The following GALNT18 variants were observed in gnomAD, a reference collection of about 807,000 sequenced individuals.
GALNT18 encodes the protein GalNAc-transferase 18.
A neutral mutation model predicts 69.5 loss-of-function variants in GALNT18; 44 were observed. That is an observed-to-expected ratio of 0.63 (90% CI 0.50 to 0.81). The LOEUF (loss-of-function observed/expected upper bound fraction) is 0.81. Ranked by LOEUF, GALNT18 falls within the 40% of genes least tolerant of loss-of-function variation. The pLI is 0.00. For synonymous variants in GALNT18, 364 were observed against 318.2 expected, an observed-to-expected ratio of 1.14 and a Z score of -1.53; for missense variants, 715 against 810.0, an observed-to-expected ratio of 0.88 and a Z score of 1.42.
chr11:11,456,426 T>G (rs1484073437), intron 1 of GALNT18, among the ~76,000 whole-genome samples: 1 of 152,194 alleles, frequency 6.6e-6, no homozygotes, highest in African/African-American at 2.4e-5. Flanking sequence ...TCAAACTAGT[T>G]GTTAAACTAT....
At chr11:11,321,631 C>T (rs554805819) in intron 9 of GALNT18, among the ~76,000 whole-genome samples, 2 of 152,296 alleles carry the variant, frequency 1.3e-5, no homozygotes, top group Non-Finnish European at 1.5e-5. Flanking sequence ...GAGATGGAGT[C>T]TCACTCTGTC....
chr11:11,335,629 T>C (rs1850098454), intron 7 of GALNT18, among the ~76,000 whole-genome samples: 1 of 152,136 alleles, frequency 6.6e-6, no homozygotes, highest in African/African-American at 2.4e-5. Context: ...TAATTCAGGA[T>C]CTCAAAATGA....
At chr11:11,346,647 C>A (rs1850308403) in intron 6 of GALNT18, among the ~76,000 whole-genome samples, 1 of 152,216 alleles carries the variant, frequency 6.6e-6, no homozygotes, top group Non-Finnish European at 1.5e-5. Context: ...TCCAACCTCA[C>A]AAAATGCTCA....
Position 11,432,500 on chromosome 11 carries a change from A to C in GALNT18, c.595+121T>G, listed in dbSNP as rs186942517. ...AGTGGCCACCATGAATTTCTCATCT[A>C]TGCTCCAGAGAAAGAGCAGCCACAG... On this transcript the variant is annotated intron_variant, in intron 3 of 10. Coordinates refer to ENST00000227756, the MANE Select transcript of GALNT18 (RefSeq NM_198516.3). This position sits in a 1 kb window ranked among gnomAD's most constrained non-coding sequence, Gnocchi z 5.8. The C allele has an allele frequency of 8.8e-4, 872 of 995,268 alleles. 5 individuals carry two copies. The African/African-American group carries it at 0.013, about 15-fold the overall frequency. 61.7% of individuals were successfully genotyped at this position (995,268 alleles called of 1,614,324 possible).
rs1249929217 is a variant in GALNT18, at chr11:11,432,323, T to G, written c.595+298A>C. Among the ~76,000 whole-genome samples the G allele has an allele frequency of 6.6e-6, 1 of 152,214 alleles. No individual in the cohort carries two copies. The highest frequency in any genetic ancestry group is 1.5e-5 in the Non-Finnish European group (1 of 68,044). The stretch of plus-strand genomic sequence containing the variant: ...AAAGAGTCACTGGACATGTTCACTG[T>G]GTACATGGTAGGGTAGGAGGTCAGG... On this transcript the variant is annotated intron_variant, in intron 3 of 10. Coordinates refer to ENST00000227756, the MANE Select transcript of GALNT18 (RefSeq NM_198516.3). This position sits in a 1 kb window ranked among gnomAD's most constrained non-coding sequence, Gnocchi z 5.8.
rs79429005 is a variant in GALNT18, at chr11:11,435,725, C to A, written c.429-2938G>T. ...TACGGCCTACATTTTGAGTGTCTGCCGCTGATGTCAGACTGCTCCTTTTTC... is the reference window on the plus strand; with the variant it reads ...TACGGCCTACATTTTGAGTGTCTGCAGCTGATGTCAGACTGCTCCTTTTTC... On this transcript the variant is annotated intron_variant, in intron 2 of 10. Transcript: ENST00000227756. The surrounding 1 kb of genome is among the most constrained non-coding windows in gnomAD (Gnocchi z 4.4). Among the ~76,000 whole-genome samples, 3,342 of 152,192 alleles carry A rather than the reference C, an allele frequency of 0.022. 121 individuals are homozygous for A. The highest frequency in any genetic ancestry group is 0.077 in the African/African-American group (3,201 of 41,498).
chr11:11,277,489 T>C (rs1007142537), intron 10 of GALNT18, among the ~76,000 whole-genome samples: 1 of 152,226 alleles, frequency 6.6e-6, no homozygotes, highest in Non-Finnish European at 1.5e-5. Context: ...GTTTTTCATG[T>C]CTCTATCTCC....
At chr11:11,611,364 G>C (rs1377576506) in intron 1 of GALNT18, among the ~76,000 whole-genome samples, 1 of 152,216 alleles carries the variant, frequency 6.6e-6, no homozygotes, top group African/African-American at 2.4e-5. Flanking sequence ...ACAAAAAAGA[G>C]AGGAGGCAGC....
rs1188488226 is a variant in GALNT18, at chr11:11,444,611, G to GTC, written c.428+4132_428+4133insGA. ...ACTGGCACAGCATGGTCCTATCTCA[G>GTC]CCACATGACAAGCTGGGTCAGATTA... is the stretch of plus-strand genomic sequence containing the variant. On this transcript the variant is annotated intron_variant, in intron 2 of 10. Transcript: ENST00000227756. The surrounding 1 kb of genome is among the most constrained non-coding windows in gnomAD (Gnocchi z 4.4). Among the ~76,000 whole-genome samples the GTC allele has an allele frequency of 7.2e-5, 11 of 152,252 alleles. No homozygotes were observed. The East Asian group carries it at 1.9e-3, about 27-fold the overall frequency.
chr11:11,567,777 T>C (rs1858688272), intron 1 of GALNT18, among the ~76,000 whole-genome samples: 1 of 152,218 alleles, frequency 6.6e-6, no homozygotes, highest in Admixed American at 6.5e-5. Flanking sequence ...AGACTTAGGA[T>C]CCAGAATTCT....
intron 7 of GALNT18, among the ~76,000 whole-genome samples, chr11:11,336,664 G>A (rs1365231378): frequency 6.6e-6 from 1 of 152,188 alleles, no homozygotes; most frequent in African/African-American, 2.4e-5. Context: ...CTATCTCAGA[G>A]GCAGGGGGTA....
intron 9 of GALNT18, among the ~76,000 whole-genome samples, chr11:11,298,419 T>C (rs932487885): frequency 2.6e-5 from 4 of 152,252 alleles, no homozygotes; most frequent in Admixed American, 2.6e-4. Context: ...CTCCCCTCCT[T>C]GCCTAGGGAG....
chr11:11,534,571 T>A (rs1196355814), intron 1 of GALNT18, among the ~76,000 whole-genome samples: 1 of 152,204 alleles, frequency 6.6e-6, no homozygotes, highest in Non-Finnish European at 1.5e-5. Flanking sequence ...GAGCCAGAGC[T>A]ACAGACATAC....
At position 11,461,521 on chromosome 11, in the gene GALNT18, G is replaced by A. The variant is rs535290465; in HGVS notation, c.236-12585C>T. On this transcript the variant is annotated intron_variant, in intron 1 of 10. Transcript: ENST00000227756. This position sits in a 1 kb window ranked among gnomAD's most constrained non-coding sequence, Gnocchi z 4.1. ...CCTTTAAAGCTAGAATTCTGCCTAG[G>A]AGAGATATAATAAACTCTGAAGCAC... Among the ~76,000 whole-genome samples, 19 of 152,224 alleles carry A rather than the reference G, an allele frequency of 1.2e-4. 1 individual carries two copies. The South Asian group carries it at 4.0e-3, about 32-fold the overall frequency.
intron 6 of GALNT18, among the ~76,000 whole-genome samples, chr11:11,370,712 A>C (rs1850881916): frequency 6.6e-6 from 1 of 152,188 alleles, no homozygotes. Flanking sequence ...ATAGCTTTAT[A>C]ACTTTATAAT....
chr11:11,368,787 G>A (rs778842738), intron 6 of GALNT18, among the ~76,000 whole-genome samples: 7 of 151,784 alleles, frequency 4.6e-5, no homozygotes, highest in South Asian at 2.1e-4. Context: ...TTTATATTCC[G>A]TGTCTGATGG....
At chr11:11,572,288 G>A (rs539510705) in intron 1 of GALNT18, among the ~76,000 whole-genome samples, 1 of 152,320 alleles carries the variant, frequency 6.6e-6, no homozygotes, top group East Asian at 1.9e-4. Flanking sequence ...CGGCCTGCTT[G>A]CTCCTTGGGT....
In GALNT18 at chr11:11,390,685, G is replaced by A. The variant is rs141168026; in HGVS notation, c.596-11421C>T. Among the ~76,000 whole-genome samples, 641 of 152,312 alleles carry A rather than the reference G, an allele frequency of 4.2e-3. 6 individuals are homozygous for A. Among genetic ancestry groups the A allele is most frequent in the African/African-American group, 0.015 (618 of 41,572 alleles). On this transcript the variant is annotated intron_variant, in intron 3 of 10. Transcript: ENST00000227756. ...GGGAGGTGGAAGGACCTTTTTCTCT[G>A]CTTCAGAACACCTTCCAGCAATGTA...
At chr11:11,449,197 C>T (rs778155639) in intron 1 of GALNT18, among the ~76,000 whole-genome samples, 20 of 152,216 alleles carry the variant, frequency 1.3e-4, no homozygotes, top group Non-Finnish European at 2.6e-4. Flanking sequence ...ATGGATGTGA[C>T]ATTGATGCCC....
Sources: allele counts gnomAD v4.1 joint callset (sites outside exome capture counted in the v4.1 genomes callset), GRCh38; gene constraint gnomAD v4.1.1; non-coding constraint Gnocchi (gnomAD v3.1); transcripts MANE v1.5; gene names NCBI Gene and HGNC (gene_info 2026-07-23, HGNC 2026-07-21).